MCU: variants seen among roughly 807,000 people sequenced by gnomAD.
MCU encodes mitochondrial calcium uniporter.
MCU carries 12 observed loss-of-function variants against 45.2 expected under a neutral mutation model. That is an observed-to-expected ratio of 0.27 (90% confidence interval 0.17 to 0.43). MCU has a LOEUF of 0.43. MCU is among the 20% of genes least tolerant of loss of function. MCU has a pLI of 1.00. For missense variants in MCU, 324 were observed against 436.7 expected (o/e 0.74, Z 2.30); for synonymous variants, 160 against 165.1 (o/e 0.97, Z 0.24).
At chr10:72,791,682 G>A (rs750729520) in intron 1 of MCU, among the ~76,000 whole-genome samples, 18 of 152,016 alleles carry the variant, frequency 1.2e-4, no homozygotes, top group Admixed American at 8.5e-4. Flanking sequence ...ACAAATCACC[G>A]GTGCAACTAA....
At chr10:72,838,108 G>A (rs903195940) in intron 2 of MCU, among the ~76,000 whole-genome samples, 13 of 151,510 alleles carry the variant, frequency 8.6e-5, no homozygotes, top group Non-Finnish European at 4.4e-5. Flanking sequence ...TGATCCACCC[G>A]CCTCAGCCTA....
chr10:72,851,550 G>A (rs974426684), intron 2 of MCU, among the ~76,000 whole-genome samples: 4 of 152,106 alleles, frequency 2.6e-5, no homozygotes, highest in African/African-American at 9.7e-5. Flanking sequence ...ATTGGTTGTG[G>A]ATGCAGTCAT....
intron 1 of MCU, among the ~76,000 whole-genome samples, chr10:72,751,599 G>A (rs776808901): frequency 1.3e-5 from 2 of 151,390 alleles, no homozygotes; most frequent in East Asian, 2.0e-4. Context: ...CAAGTGATCC[G>A]CCCACCTTGG....
At chr10:72,865,877 T>G (rs182444478) in intron 4 of MCU, among the ~76,000 whole-genome samples, 1 of 151,514 alleles carries the variant, frequency 6.6e-6, no homozygotes, top group Non-Finnish European at 1.5e-5. Flanking sequence ...CCTGGGTTCA[T>G]GCCATTCTGC....
At chr10:72,810,744 C>T (rs904132015) in intron 1 of MCU, among the ~76,000 whole-genome samples, 15 of 152,032 alleles carry the variant, frequency 9.9e-5, no homozygotes, top group African/African-American at 3.6e-4. Flanking sequence ...ATCTACCTGC[C>T]TCAGCCTCCC....
intron 1 of MCU, among the ~76,000 whole-genome samples, chr10:72,762,624 C>T (rs1288488238): frequency 1.3e-5 from 2 of 152,082 alleles, no homozygotes; most frequent in African/African-American, 4.8e-5. Context: ...CTAATAGAAT[C>T]TTTTTAATTA....
At chr10:72,786,906 A>T (rs1362944934) in intron 1 of MCU, among the ~76,000 whole-genome samples, 1 of 152,178 alleles carries the variant, frequency 6.6e-6, no homozygotes, top group Non-Finnish European at 1.5e-5. Context: ...TTCTTACACA[A>T]ATCACCAAAT....
chr10:72,755,702 G>A (rs1218125429), intron 1 of MCU, among the ~76,000 whole-genome samples: 2 of 152,130 alleles, frequency 1.3e-5, no homozygotes, highest in Admixed American at 1.3e-4. Flanking sequence ...TTTGAACGGC[G>A]GAAGCATAAA....
intron 1 of MCU, among the ~76,000 whole-genome samples, chr10:72,758,884 G>C (rs1843614587): frequency 6.6e-6 from 1 of 152,128 alleles, no homozygotes; most frequent in Non-Finnish European, 1.5e-5. Context: ...TTAATAAGTA[G>C]TGTGGAATAA....
intron 4 of MCU, chr10:72,861,642 C>T (rs7899754): frequency 0.018 from 6,760 of 377,762 alleles, 402 homozygotes; most frequent in African/African-American, 0.13. Context: ...CCACTATGCC[C>T]AGCCGCCAGG....
chr10:72,692,411 C>A, intron 1 of MCU, 110 bp downstream of exon 1: 2 of 947,140 alleles, frequency 2.1e-6, no homozygotes, highest in Non-Finnish European at 1.3e-6. Flanking sequence ...AACTCCCGGC[C>A]GCTCCGGAGG....
At chr10:72,841,830 A>G (rs1845052784) in intron 2 of MCU, among the ~76,000 whole-genome samples, 1 of 152,210 alleles carries the variant, frequency 6.6e-6, no homozygotes, top group South Asian at 2.1e-4. Flanking sequence ...GGTTTTTATC[A>G]AACAAAAGGA....
At chr10:72,748,419 G>GT (rs1336340591) in intron 1 of MCU, among the ~76,000 whole-genome samples, 1 of 152,198 alleles carries the variant, frequency 6.6e-6, no homozygotes, top group African/African-American at 2.4e-5. Context: ...ATATTGAACA[G>GT]TGTAGTTCTG....
At chr10:72,865,869 T>C (rs960686148) in intron 4 of MCU, among the ~76,000 whole-genome samples, 8 of 151,414 alleles carry the variant, frequency 5.3e-5, no homozygotes, top group South Asian at 2.1e-4. Context: ...CTCTGCCTCC[T>C]GGGTTCATGC....
At chr10:72,696,490 A>G (rs1485909604) in intron 1 of MCU, among the ~76,000 whole-genome samples, 2 of 152,106 alleles carry the variant, frequency 1.3e-5, no homozygotes, top group Non-Finnish European at 2.9e-5. Flanking sequence ...CCTAGTTTGA[A>G]TCTTGATTTG....
At chr10:72,794,107 T>A (rs970042537) in intron 1 of MCU, among the ~76,000 whole-genome samples, 7 of 151,872 alleles carry the variant, frequency 4.6e-5, no homozygotes, top group Admixed American at 2.0e-4. Context: ...GTTGTTAAAA[T>A]TTTTTTTTAA....
chr10:72,813,528 G>T (rs1456417574), intron 1 of MCU, among the ~76,000 whole-genome samples: 1 of 115,704 alleles, frequency 8.6e-6, no homozygotes, highest in Non-Finnish European at 1.6e-5. Flanking sequence ...GCACAATCTT[G>T]TCTCACTGCA....
intron 1 of MCU, chr10:72,712,210 T>C (rs1219803188): frequency 6.6e-6 from 1 of 152,242 alleles, no homozygotes; most frequent in African/African-American, 2.4e-5. Flanking sequence ...ATGTCATTTT[T>C]AAAGTTAGAC....
chr10:72,704,584 G>A (rs1010067106), intron 1 of MCU, among the ~76,000 whole-genome samples: 2 of 151,502 alleles, frequency 1.3e-5, no homozygotes, highest in African/African-American at 4.9e-5. Context: ...TGTCACCCAG[G>A]CCGGAGTTCA....
Sources: gnomAD v4.1 joint callset for allele counts (sites outside exome capture counted in the v4.1 genomes callset) on GRCh38, gnomAD v4.1.1 for gene constraint, MANE v1.5 for transcripts, NCBI Gene and HGNC (gene_info 2026-07-23, HGNC 2026-07-21) for gene names.